The following POLN variants were observed in gnomAD, a reference collection of about 807,000 sequenced individuals.
POLN encodes DNA polymerase N.
A neutral mutation model predicts 113.5 loss-of-function variants in POLN; 108 were observed. The ratio of observed to expected loss-of-function variants is 0.95; its 90% CI spans 0.81 to 1.12. The LOEUF is 1.12. Ranked by LOEUF, POLN falls within the 50% of genes most tolerant of loss-of-function variation. POLN has a pLI of 0.00. For synonymous variants in POLN, 386 were observed against 391.5 expected, an observed-to-expected ratio of 0.99 and a Z score of 0.17; for missense variants, 1,097 against 1,077.1, an observed-to-expected ratio of 1.02 and a Z score of -0.26.
At chr4:2,102,363 T>C (rs1196286793) in intron 19 of POLN, among the ~76,000 whole-genome samples, 1 of 152,132 alleles carries the variant, frequency 6.6e-6, no homozygotes, top group Admixed American at 6.5e-5. Context: ...CACCCTACCA[T>C]TACCACCTCA....
chr4:2,073,927 G>A (rs137865003), intron 24 of POLN, among the ~76,000 whole-genome samples: 3 of 152,318 alleles, frequency 2.0e-5, no homozygotes, highest in Admixed American at 6.5e-5. Flanking sequence ...GGGAGCTGTC[G>A]GCCAGCAGGT....
chr4:2,205,654 C>A (rs1733821578), intron 5 of POLN, among the ~76,000 whole-genome samples: 2 of 152,148 alleles, frequency 1.3e-5, no homozygotes, highest in Admixed American at 1.3e-4. Context: ...GCAGGTGGAT[C>A]ACAAGGTCAG....
rs1440653889 is a variant in POLN, at chr4:2,080,943, C to T, written c.2387+15G>A. The T allele has an allele frequency of 1.9e-6, 3 of 1,613,846 alleles. No homozygotes were observed. The highest frequency in any genetic ancestry group is 2.2e-5 in the East Asian group (1 of 44,890). The stretch of plus-strand genomic sequence containing the variant: ...ACCCTCCCATCCAAGCCCTGGGAGA[C>T]CACCACCCACTGACCTGGCCGTCAA... On this transcript the variant is annotated intron_variant, in intron 23 of 25. Coordinates refer to ENST00000511885, the MANE Select transcript of POLN (RefSeq NM_181808.4).
At chr4:2,165,187 C>T (rs1381306673) in intron 13 of POLN, among the ~76,000 whole-genome samples, 2 of 152,068 alleles carry the variant, frequency 1.3e-5, no homozygotes, top group African/African-American at 2.4e-5. Flanking sequence ...AGATGTTCTT[C>T]GTAGGTAAAT....
intron 8 of POLN, among the ~76,000 whole-genome samples, chr4:2,178,256 T>C (rs1178412806): frequency 1.3e-5 from 2 of 151,292 alleles, no homozygotes; most frequent in Non-Finnish European, 3.0e-5. Context: ...AGCACACAGC[T>C]TGGGCTCACA....
Position 2,128,178 on chromosome 4 carries a change from C to T in POLN, c.1917G>A (p.Pro639=), listed in dbSNP as rs35197135. Residue 639 remains proline, a synonymous_variant, in exon 19 of 26, where the codon CCG becomes CCA. Coordinates refer to ENST00000511885, the MANE Select transcript of POLN (RefSeq NM_181808.4). ...LRILTHLSGD[P]ELLKLFQESE... ...ATTCCTGGAATAACTTCAGAAGTTC[C>T]GGATCTCCAGATAAATGTGTAAGAA... 4.7e-5 allele frequency: 75 copies of T among 1,612,656 alleles called. No individual in the cohort carries two copies. Among genetic ancestry groups the T allele is most frequent in the African/African-American group, 3.2e-4 (24 of 74,988 alleles).
chr4:2,180,368 T>G (rs923568228), intron 7 of POLN, among the ~76,000 whole-genome samples: 2 of 152,218 alleles, frequency 1.3e-5, no homozygotes, highest in Admixed American at 1.3e-4. Flanking sequence ...CTTTTTAAGT[T>G]ACTTTAAAAT....
At chr4:2,106,482 T>C (rs1731069767) in intron 19 of POLN, among the ~76,000 whole-genome samples, 1 of 152,180 alleles carries the variant, frequency 6.6e-6, no homozygotes, top group Non-Finnish European at 1.5e-5. Context: ...GCCCAGGGAA[T>C]AATGCTAAAA....
At chr4:2,159,938 T>C (rs997533934) in intron 13 of POLN, among the ~76,000 whole-genome samples, 1 of 152,248 alleles carries the variant, frequency 6.6e-6, no homozygotes, top group Non-Finnish European at 1.5e-5. Flanking sequence ...TGAATAATGC[T>C]GGTACAGAGA....
chr4:2,148,540 G>A (rs1239561100), intron 16 of POLN, among the ~76,000 whole-genome samples: 2 of 152,038 alleles, frequency 1.3e-5, no homozygotes, highest in African/African-American at 4.8e-5. Flanking sequence ...GGTGGCATGC[G>A]CCTGTAATCC....
chr4:2,142,878 T>G (rs1445700144), intron 16 of POLN, among the ~76,000 whole-genome samples: 1 of 151,670 alleles, frequency 6.6e-6, no homozygotes, highest in African/African-American at 2.4e-5. Flanking sequence ...AAGATTTTTT[T>G]GGTAATTTTC....
At chr4:2,081,275 T>A in intron 22 of POLN, 1 of 1,212,220 alleles carries the variant, frequency 8.2e-7, no homozygotes, top group Non-Finnish European at 1.2e-6. Flanking sequence ...GCCTCACCCC[T>A]GCCAGGCATG....
intron 2 of POLN, among the ~76,000 whole-genome samples, chr4:2,235,762 T>G (rs1206706836): frequency 6.6e-6 from 1 of 152,180 alleles, no homozygotes; most frequent in Non-Finnish European, 1.5e-5. Context: ...TATATATGTG[T>G]GTATGTGTGT....
intron 6 of POLN, among the ~76,000 whole-genome samples, chr4:2,198,057 G>A (rs150262544): frequency 6.6e-6 from 1 of 152,330 alleles, no homozygotes; most frequent in East Asian, 1.9e-4. Context: ...GTCCAAAGAG[G>A]TGAGACAGGT....
intron 7 of POLN, among the ~76,000 whole-genome samples, chr4:2,185,086 A>G (rs989442867): frequency 6.6e-6 from 1 of 152,244 alleles, no homozygotes; most frequent in African/African-American, 2.4e-5. Flanking sequence ...AAAGCATAAT[A>G]GATCTTAAAT....
intron 2 of POLN, chr4:2,230,406 T>C (rs1734538599): frequency 2.0e-5 from 3 of 152,056 alleles, no homozygotes; most frequent in Admixed American, 6.6e-5. Flanking sequence ...TTTCCACATT[T>C]TTGGAGAAAA....
chr4:2,174,498 G>A (rs994747320), intron 10 of POLN, among the ~76,000 whole-genome samples, 193 bp downstream of exon 10: 7 of 152,108 alleles, frequency 4.6e-5, no homozygotes, highest in African/African-American at 1.4e-4. Context: ...TCAGAACCTC[G>A]AGTCTTTCCA....
At chr4:2,194,094 A>G (rs770313522) in intron 6 of POLN, among the ~76,000 whole-genome samples, 2 of 152,220 alleles carry the variant, frequency 1.3e-5, no homozygotes, top group Non-Finnish European at 2.9e-5. Flanking sequence ...CCTCATCACT[A>G]TCCTATCTGG....
chr4:2,079,726 A>G lies in POLN; in HGVS notation c.2387+1232T>C, dbSNP rs1029576691. On this transcript the variant is annotated intron_variant, in intron 23 of 25. Coordinates refer to ENST00000511885, the MANE Select transcript of POLN (RefSeq NM_181808.4). ...CAGCCTCCTGAGTAGCTGGGATTACAGGTGTGCGCCACCACACCTGGCTAA... is the reference window on the plus strand; with the variant it reads ...CAGCCTCCTGAGTAGCTGGGATTACGGGTGTGCGCCACCACACCTGGCTAA... The G allele has an allele frequency of 1.6e-5, 12 of 739,010 alleles. No homozygotes were observed. The African/African-American group carries it at 2.3e-4, about 14-fold the overall frequency. The allele number at this position is 739,010 out of a possible 1,614,324, so 45.8% of individuals were successfully genotyped here.
Sources: gnomAD v4.1 joint callset for allele counts (sites outside exome capture counted in the v4.1 genomes callset) on GRCh38, gnomAD v4.1.1 for gene constraint, MANE v1.5 for transcripts, NCBI Gene and HGNC (gene_info 2026-07-23, HGNC 2026-07-21) for gene names.